The following DOCK4 variants were observed in gnomAD, a reference collection of about 807,000 sequenced individuals.
DOCK4 encodes dedicator of cytokinesis 4, also known as dedicator of cytokinesis protein 4.
A neutral mutation model predicts 268.1 loss-of-function variants in DOCK4; 97 were observed. The ratio of observed to expected loss-of-function variants is 0.36; its 90% CI spans 0.31 to 0.43. The LOEUF (loss-of-function observed/expected upper bound fraction) is 0.43. Ranked by LOEUF, DOCK4 falls within the 20% of genes least tolerant of loss-of-function variation. The pLI, the probability that DOCK4 is intolerant of heterozygous loss-of-function variation, is 1.00. For missense variants in DOCK4, 2,145 were observed against 2,455.7 expected, an observed-to-expected ratio of 0.87 and a Z score of 2.67; for synonymous variants, 954 against 887.2, an observed-to-expected ratio of 1.08 and a Z score of -1.34.
In DOCK4 at chr7:111,800,431, C is replaced by T. The variant is rs28718447; in HGVS notation, c.3166+8390G>A. Among the ~76,000 whole-genome samples, 349 of 152,240 alleles carry T rather than the reference C, an allele frequency of 2.3e-3. 3 individuals carry two copies. The highest frequency in any genetic ancestry group is 6.8e-3 in the Middle Eastern group (2 of 294). On this transcript the variant is annotated intron_variant, in intron 30 of 52. Transcript: ENST00000428084. ...ATAAAAATAGCCTAAGCCTAAAATT[C>T]CTCTCTAATGGCAAGTCAAGGGGGA...
intron 1 of DOCK4, among the ~76,000 whole-genome samples, chr7:112,046,581 G>A (rs2135531655): frequency 6.6e-6 from 1 of 152,314 alleles, no homozygotes; most frequent in Non-Finnish European, 1.5e-5. Flanking sequence ...CTACTTGGGA[G>A]GCTGAGGTGG....
chr7:111,728,003 A>G lies in DOCK4; in HGVS notation c.*271T>C. On this transcript the variant is annotated 3_prime_UTR_variant, in exon 53 of 53. Coordinates refer to ENST00000428084, the MANE Select transcript of DOCK4 (RefSeq NM_001363540.2). The stretch of plus-strand genomic sequence containing the variant: ...TTAAACTATATAAAAAAAAGTGAAC[A>G]TAAAAAGGTACAAAAGGAGTCTTTA... The G allele has an allele frequency of 2.8e-6, 1 of 362,078 alleles. No homozygotes were observed. The highest frequency in any genetic ancestry group is 4.9e-6 in the Non-Finnish European group (1 of 204,130). 22.4% of individuals were successfully genotyped at this position (362,078 alleles called of 1,614,324 possible). A position where few individuals can be genotyped will look rare whatever the true frequency, so the allele number is the denominator to read the frequency against.
In DOCK4 at chr7:111,766,528, A is replaced by T. The variant is rs1797771387; in HGVS notation, c.3915+504T>A. Among the ~76,000 whole-genome samples the T allele has an allele frequency of 2.0e-5, 3 of 152,182 alleles. No homozygotes were observed. In the South Asian group the frequency reaches 6.2e-4, roughly 32 times the overall value. ...CAGATATAAAACATTTGGTTCAGAGAAACAGAATACTCAACTCCTTGAGCT... is the reference window on the plus strand; with the variant it reads ...CAGATATAAAACATTTGGTTCAGAGTAACAGAATACTCAACTCCTTGAGCT... On this transcript the variant is annotated intron_variant, in intron 38 of 52. Transcript: ENST00000428084.
At chr7:112,139,673 AAG>A (rs1814705605) in intron 1 of DOCK4, among the ~76,000 whole-genome samples, 1 of 152,240 alleles carries the variant, frequency 6.6e-6, no homozygotes, top group Admixed American at 6.5e-5. Context: ...AGTGATAATT[AAG>A]AGTTTTCCTA....
chr7:112,043,513 C>G (rs1409461137), intron 1 of DOCK4, among the ~76,000 whole-genome samples: 2 of 150,448 alleles, frequency 1.3e-5, no homozygotes, highest in African/African-American at 4.9e-5. Flanking sequence ...AAAAAGACAT[C>G]CATAAAGCTA....
At chr7:111,798,958 G>T (rs1318348246) in intron 30 of DOCK4, among the ~76,000 whole-genome samples, 1 of 152,138 alleles carries the variant, frequency 6.6e-6, no homozygotes, top group African/African-American at 2.4e-5. Flanking sequence ...ACAAGAAATA[G>T]CAAGAATGCA....
Position 111,783,899 on chromosome 7 carries a change from A to G in DOCK4, c.3482T>C (p.Ile1161Thr), listed in dbSNP as rs749154428. ...CTCCATTAGACGAGTTACAGTAGCA[A>G]TTAATGAAACGCCACTTTCCCGCCA... ...ETWRESGVSL[I>T]ATVTRLMERL... Residue 1161 changes from isoleucine (I) to threonine (T), a missense_variant, in exon 34 of 53, where the codon ATT becomes ACT. Ile to Thr is a moderately conservative substitution (Grantham distance 89, BLOSUM62 -1). Coordinates refer to ENST00000428084, the MANE Select transcript of DOCK4 (RefSeq NM_001363540.2). The G allele has an allele frequency of 1.2e-6, 2 of 1,606,120 alleles. No individual in the cohort carries two copies. Among genetic ancestry groups the G allele is most frequent in the Admixed American group, 3.4e-5 (2 of 59,120 alleles).
At chr7:112,081,760 C>T (rs1050211326) in intron 1 of DOCK4, among the ~76,000 whole-genome samples, 2 of 152,066 alleles carry the variant, frequency 1.3e-5, no homozygotes, top group African/African-American at 4.8e-5. Flanking sequence ...TGTAGCTGTT[C>T]TCTTGAAGGG....
chr7:112,019,848 G>A (rs1281590561), intron 1 of DOCK4, among the ~76,000 whole-genome samples: 2 of 152,124 alleles, frequency 1.3e-5, no homozygotes, highest in African/African-American at 4.8e-5. Flanking sequence ...ACTAGGGGAT[G>A]AAGTCTTTAA....
At chr7:111,759,006 G>A (rs562827988) in intron 40 of DOCK4, among the ~76,000 whole-genome samples, 1 of 152,130 alleles carries the variant, frequency 6.6e-6, no homozygotes, top group Admixed American at 6.5e-5. Flanking sequence ...GGTAGGTGAA[G>A]TATCAGCTTG....
At chr7:112,133,958 T>C (rs1814066313) in intron 1 of DOCK4, among the ~76,000 whole-genome samples, 1 of 152,036 alleles carries the variant, frequency 6.6e-6, no homozygotes, top group African/African-American at 2.4e-5. Context: ...TGGAATGAAA[T>C]AGAATGGAAA....
At chr7:112,016,346 T>C (rs1327635212) in intron 1 of DOCK4, among the ~76,000 whole-genome samples, 1 of 152,222 alleles carries the variant, frequency 6.6e-6, no homozygotes, top group East Asian at 1.9e-4. Flanking sequence ...ATCACAGAAG[T>C]GATGGTGTGC....
chr7:111,859,452 TAC>T (rs1805296502), intron 23 of DOCK4, among the ~76,000 whole-genome samples: 1 of 152,174 alleles, frequency 6.6e-6, no homozygotes, highest in South Asian at 2.1e-4. Flanking sequence ...GTCATTTGGA[TAC>T]AGTTATCTCT....
chr7:111,902,254 C>G (rs1002865173), intron 13 of DOCK4, among the ~76,000 whole-genome samples: 1 of 152,100 alleles, frequency 6.6e-6, no homozygotes, highest in Non-Finnish European at 1.5e-5. Context: ...CAACTTAAAT[C>G]TTTTCCAAAA....
intron 1 of DOCK4, among the ~76,000 whole-genome samples, chr7:112,194,737 TCTC>T: frequency 6.6e-6 from 1 of 152,172 alleles, no homozygotes; most frequent in South Asian, 2.1e-4. Context: ...AAATAAGCCA[TCTC>T]CTCAATTATA....
intron 35 of DOCK4, 72 bp downstream of exon 35, chr7:111,782,792 A>C: frequency 1.4e-6 from 2 of 1,463,108 alleles, no homozygotes; most frequent in Non-Finnish European, 1.9e-6. Flanking sequence ...AAACACAAAC[A>C]AAACATAGTA....
At chr7:112,009,673 G>A (rs1273929236) in intron 1 of DOCK4, among the ~76,000 whole-genome samples, 1 of 151,984 alleles carries the variant, frequency 6.6e-6, no homozygotes, top group African/African-American at 2.4e-5. Context: ...TATCCATTAA[G>A]GTTTATCAAC....
chr7:111,958,371 T>G (rs1415507251), intron 8 of DOCK4, among the ~76,000 whole-genome samples: 2 of 152,144 alleles, frequency 1.3e-5, no homozygotes, highest in Non-Finnish European at 2.9e-5. Flanking sequence ...CCTTGTGAGG[T>G]GGGTTGCTAA....
chr7:111,916,978 A>ATTT (rs1562883508), intron 12 of DOCK4, among the ~76,000 whole-genome samples: 3 of 83,006 alleles, frequency 3.6e-5, no homozygotes, highest in African/African-American at 1.1e-4. Context: ...CCTTTCCCCC[A>ATTT]TGTTTTTTTT....
Sources: gnomAD v4.1 joint callset for allele counts (sites outside exome capture counted in the v4.1 genomes callset) on GRCh38, gnomAD v4.1.1 for gene constraint, MANE v1.5 for transcripts, NCBI Gene and HGNC (gene_info 2026-07-23, HGNC 2026-07-21) for gene names.